Variants in ZNF555 observed in about 807,000 individuals in gnomAD.
ZNF555 encodes the protein zinc finger protein 555.
ZNF555 carries 10 observed loss-of-function variants against 14.0 expected under a neutral mutation model. That is an observed-to-expected ratio of 0.72 (90% confidence interval 0.44 to 1.21). The LOEUF is 1.21. Among genes scored for constraint, ZNF555 ranks in the 50% most tolerant of loss-of-function variants. The probability of loss-of-function intolerance (pLI) is 0.00; values close to 1 mark genes in which losing one functional copy is unlikely to be tolerated. For missense variants in ZNF555, 747 were observed against 762.0 expected (o/e 0.98, Z 0.23); for synonymous variants, 277 against 262.4 (o/e 1.06, Z -0.54).
chr19:2,856,764 G>C lies in ZNF555; in HGVS notation c.*2812G>C, dbSNP rs571293186. On this transcript the variant is annotated 3_prime_UTR_variant, in exon 4 of 4. Transcript: ENST00000334241. Reference sequence around the variant, plus strand: ...GGAAGCCAGGCTTTGGTCTGGATTGGATGTTCTCAGGTCATGAATATAATT... The same window carrying C: ...GGAAGCCAGGCTTTGGTCTGGATTGCATGTTCTCAGGTCATGAATATAATT... 4 of 152,160 alleles carry C rather than the reference G, an allele frequency of 2.6e-5. No homozygotes were observed. The highest frequency in any genetic ancestry group is 5.9e-5 in the Non-Finnish European group (4 of 68,030). The allele number at this position is 152,160 out of a possible 1,614,324, so 9.4% of individuals were successfully genotyped here. A position where few individuals can be genotyped will look rare whatever the true frequency, so the allele number is the denominator to read the frequency against.
intron 1 of ZNF555, 76 bp downstream of exon 1, chr19:2,841,651 G>A (rs889770927): frequency 3.6e-6 from 5 of 1,398,840 alleles, no homozygotes; most frequent in Non-Finnish European, 3.7e-6. Flanking sequence ...GGCTTGGGGG[G>A]AGCTGAGGGA....
Position 2,856,764 on chromosome 19 carries a change from G to A in ZNF555, c.*2812G>A, listed in dbSNP as rs571293186. Reference sequence around the variant, plus strand: ...GGAAGCCAGGCTTTGGTCTGGATTGGATGTTCTCAGGTCATGAATATAATT... The same window carrying A: ...GGAAGCCAGGCTTTGGTCTGGATTGAATGTTCTCAGGTCATGAATATAATT... On this transcript the variant is annotated 3_prime_UTR_variant, in exon 4 of 4. Transcript: ENST00000334241. 7 of 152,278 alleles carry A rather than the reference G, an allele frequency of 4.6e-5. No individual in the cohort carries two copies. The East Asian group carries it at 1.4e-3, about 29-fold the overall frequency. 9.4% of individuals were successfully genotyped at this position (152,278 alleles called of 1,614,324 possible).
At chr19:2,846,205 C>T (rs1406824910) in intron 1 of ZNF555, among the ~76,000 whole-genome samples, 1 of 152,212 alleles carries the variant, frequency 6.6e-6, no homozygotes, top group Non-Finnish European at 1.5e-5. Context: ...CCAGTATGGA[C>T]GACACCTGGA....
intron 1 of ZNF555, among the ~76,000 whole-genome samples, chr19:2,844,159 G>A (rs933979973): frequency 1.4e-5 from 2 of 143,878 alleles, no homozygotes; most frequent in Non-Finnish European, 3.0e-5. Context: ...CTGGAGTGCA[G>A]TGGCAGGAAC....
intron 1 of ZNF555, among the ~76,000 whole-genome samples, chr19:2,849,586 G>A (rs1426219374): frequency 6.7e-6 from 1 of 149,984 alleles, no homozygotes; most frequent in African/African-American, 2.5e-5. Context: ...CCGGGTTCAA[G>A]CAATTTTCGT....
chr19:2,843,939 G>T (rs1228050591), intron 1 of ZNF555, among the ~76,000 whole-genome samples: 1 of 152,076 alleles, frequency 6.6e-6, no homozygotes, highest in Non-Finnish European at 1.5e-5. Flanking sequence ...TGCTGTCTCG[G>T]CTCATTGCAA....
At chr19:2,842,275 C>T (rs1277073166) in intron 1 of ZNF555, among the ~76,000 whole-genome samples, 1 of 152,222 alleles carries the variant, frequency 6.6e-6, no homozygotes, top group Non-Finnish European at 1.5e-5. Flanking sequence ...CCTCTGACCC[C>T]AAGATGCCTG....
chr19:2,852,840 A>G lies in ZNF555; in HGVS notation c.775A>G (p.Lys259Glu). ...CACCGGAGAGAAGCCATATAAGTGTAAGGAATGTGGGAAAGCTTTCAGTTA... is the reference window on the plus strand; with the variant it reads ...CACCGGAGAGAAGCCATATAAGTGTGAGGAATGTGGGAAAGCTTTCAGTTA... Reference protein sequence around the residue: ...SHTGEKPYKCKECGKAFSYSS... With the variant: ...SHTGEKPYKCEECGKAFSYSS... The change falls in exon 4 of 4, where the codon AAG becomes GAG. Residue 259 changes from lysine to glutamate, a missense_variant. Physicochemically the swap from Lys to Glu is moderately conservative, Grantham distance 56. Coordinates refer to ENST00000334241, the MANE Select transcript of ZNF555 (RefSeq NM_152791.5). 2 of 1,614,216 alleles carry G rather than the reference A, an allele frequency of 1.2e-6. No homozygotes were observed. The highest frequency in any genetic ancestry group is 1.7e-6 in the Non-Finnish European group (2 of 1,180,034).
At position 2,852,736 on chromosome 19, in the gene ZNF555, C is replaced by A; in HGVS notation, c.671C>A (p.Ala224Asp). 1 of 1,614,186 alleles carries A rather than the reference C, an allele frequency of 6.2e-7. No individual in the cohort carries two copies. The highest frequency in any genetic ancestry group is 8.5e-7 in the Non-Finnish European group (1 of 1,180,028). Reference protein sequence around the residue: ...SLNRHVRIHTAEKTYECKQCG... With the variant: ...SLNRHVRIHTDEKTYECKQCG... ...AATCGGCATGTAAGGATTCACACTGCTGAGAAAACCTACGAATGTAAGCAA... is the reference window on the plus strand; with the variant it reads ...AATCGGCATGTAAGGATTCACACTGATGAGAAAACCTACGAATGTAAGCAA... Residue 224 changes from alanine to aspartate, a missense_variant, in exon 4 of 4, where the codon GCT (alanine) becomes GAT (aspartate). Ala to Asp is a moderately radical substitution (Grantham distance 126, BLOSUM62 -2). Coordinates refer to ENST00000334241, the MANE Select transcript of ZNF555 (RefSeq NM_152791.5).
At position 2,854,578 on chromosome 19, in the gene ZNF555, T is replaced by A. The variant is rs1479588274; in HGVS notation, c.*626T>A. The A allele has an allele frequency of 6.5e-6, 1 of 153,298 alleles. No individual in the cohort carries two copies. 9.5% of individuals were successfully genotyped at this position (153,298 alleles called of 1,614,324 possible). A position where few individuals can be genotyped will look rare whatever the true frequency, so the allele number is the denominator to read the frequency against. On this transcript the variant is annotated 3_prime_UTR_variant, in exon 4 of 4. Coordinates refer to ENST00000334241, the MANE Select transcript of ZNF555 (RefSeq NM_152791.5). The stretch of plus-strand genomic sequence containing the variant: ...AATTTACCAATAGCAATAACTTGAA[T>A]GAAATTTAGAATGAAGAAGAAGTAA...
intron 1 of ZNF555, among the ~76,000 whole-genome samples, chr19:2,842,439 GTGCA>G (rs1208813180): frequency 2.0e-5 from 3 of 152,234 alleles, no homozygotes; most frequent in Non-Finnish European, 4.4e-5. Flanking sequence ...CGGGAGGCTG[GTGCA>G]TTAGTGTCCT....
In ZNF555 at chr19:2,853,670, C is replaced by G; in HGVS notation, c.1605C>G (p.Pro535=). The part of the protein sequence containing the change: ...QHVRTHTVEK[P]YECKECGKVF... ...TGAGAACGCACACTGTAGAGAAGCCCTATGAATGTAAGGAATGTGGGAAGG... is the reference window on the plus strand; with the variant it reads ...TGAGAACGCACACTGTAGAGAAGCCGTATGAATGTAAGGAATGTGGGAAGG... Residue 535 remains proline, a synonymous_variant, in exon 4 of 4, where the codon CCC becomes CCG. Coordinates refer to ENST00000334241, the MANE Select transcript of ZNF555 (RefSeq NM_152791.5). 6.3e-7 allele frequency: 1 copy of G among 1,583,060 alleles called. No individual in the cohort carries two copies. Among genetic ancestry groups the G allele is most frequent in the South Asian group, 1.2e-5 (1 of 84,540 alleles).
Position 2,851,524 on chromosome 19 carries a change from G to A in ZNF555, c.187G>A (p.Glu63Lys). 1 of 1,609,118 alleles carries A rather than the reference G, an allele frequency of 6.2e-7. No individual in the cohort carries two copies. Among genetic ancestry groups the A allele is most frequent in the Non-Finnish European group, 8.5e-7 (1 of 1,178,766 alleles). Reference sequence around the variant, plus strand: ...AGTTTCTCAGCAGGATATTTATGGAGAGAAAATACCCAAGGAATCTAAAAT... The same window carrying A: ...AGTTTCTCAGCAGGATATTTATGGAAAGAAAATACCCAAGGAATCTAAAAT... Reference protein sequence around the residue: ...GSVSQQDIYGEKIPKESKIAT... With the variant: ...GSVSQQDIYGKKIPKESKIAT... Residue 63 changes from glutamate to lysine, a missense_variant, in exon 3 of 4, where the codon GAG (glutamate) becomes AAG (lysine). Glu to Lys is a moderately conservative substitution (Grantham distance 56). Transcript: ENST00000334241.
intron 1 of ZNF555, among the ~76,000 whole-genome samples, chr19:2,848,238 G>A (rs1463987804): frequency 6.7e-6 from 1 of 150,250 alleles, no homozygotes; most frequent in Non-Finnish European, 1.5e-5. Context: ...TACAAGCTCC[G>A]CCTCCCGGGT....
At chr19:2,852,022 A>G (rs1266663583) in intron 3 of ZNF555, among the ~76,000 whole-genome samples, 1 of 152,062 alleles carries the variant, frequency 6.6e-6, no homozygotes, top group Non-Finnish European at 1.5e-5. Context: ...ATGGTGCCGC[A>G]GGCCTGTAAT....
rs1021674726 is a variant in ZNF555, at chr19:2,854,849, A to G, written c.*897A>G. ...TCACCTAGAGTCTGGATTTTTCTCA[A>G]AACCCTGCATGACCTCTTGACCACT... On this transcript the variant is annotated 3_prime_UTR_variant, in exon 4 of 4. Coordinates refer to ENST00000334241, the MANE Select transcript of ZNF555 (RefSeq NM_152791.5). 7 of 152,140 alleles carry G rather than the reference A, an allele frequency of 4.6e-5. No individual in the cohort carries two copies. In the East Asian group the frequency reaches 1.3e-3, roughly 29 times the overall value. 9.4% of individuals were successfully genotyped at this position (152,140 alleles called of 1,614,324 possible).
intron 1 of ZNF555, among the ~76,000 whole-genome samples, chr19:2,842,043 C>G (rs1196279894): frequency 6.6e-6 from 1 of 152,026 alleles, no homozygotes; most frequent in African/African-American, 2.4e-5. Flanking sequence ...GTGCGGGTCC[C>G]TGGTCGGTGC....
chr19:2,846,583 G>C (rs2087583901), intron 1 of ZNF555, among the ~76,000 whole-genome samples: 1 of 152,224 alleles, frequency 6.6e-6, no homozygotes, highest in Admixed American at 6.5e-5. Context: ...GTTAGCAGTG[G>C]ACATAGTGAG....
intron 1 of ZNF555, among the ~76,000 whole-genome samples, chr19:2,847,694 G>C (rs566249384): frequency 6.6e-6 from 1 of 152,234 alleles, no homozygotes; most frequent in South Asian, 2.1e-4. Context: ...TATTGGAGTA[G>C]GGCCCATTGG....
Sources: gnomAD v4.1 joint callset for allele counts (sites outside exome capture counted in the v4.1 genomes callset) on GRCh38, gnomAD v4.1.1 for gene constraint, MANE v1.5 for transcripts, NCBI Gene and HGNC (gene_info 2026-07-23, HGNC 2026-07-21) for gene names.